The following CEP128 variants were observed in gnomAD, a reference collection of about 807,000 sequenced individuals.
The protein encoded by CEP128 is centrosomal protein 128, also known as centrosomal protein 128kDa.
Under a neutral mutation model 156.7 loss-of-function variants are expected in CEP128, and 132 were observed. The ratio of observed to expected loss-of-function variants is 0.84; its 90% CI spans 0.73 to 0.97. CEP128 has a LOEUF of 0.97. Ranked by LOEUF, CEP128 falls within the 50% of genes least tolerant of loss-of-function variation. The probability of loss-of-function intolerance (pLI) is 0.00; values close to 1 mark genes in which losing one functional copy is unlikely to be tolerated. For synonymous variants in CEP128, 469 were observed against 448.9 expected, an observed-to-expected ratio of 1.04 and a Z score of -0.57; for missense variants, 1,252 against 1,281.9, an observed-to-expected ratio of 0.98 and a Z score of 0.36.
intron 8 of CEP128, among the ~76,000 whole-genome samples, chr14:80,865,883 C>CTGG (rs1887745541): frequency 6.6e-6 from 1 of 152,090 alleles, no homozygotes; most frequent in South Asian, 2.1e-4. Context: ...CTTGTCATTC[C>CTGG]AGTCAAGCCT....
chr14:80,882,832 G>T (rs1888614688), intron 8 of CEP128, among the ~76,000 whole-genome samples: 2 of 152,082 alleles, frequency 1.3e-5, no homozygotes, highest in Admixed American at 1.3e-4. Flanking sequence ...TCACTTATTT[G>T]TGGGATCTAA....
chr14:80,915,375 C>T (rs560400698), intron 3 of CEP128, among the ~76,000 whole-genome samples: 1 of 152,306 alleles, frequency 6.6e-6, no homozygotes, highest in South Asian at 2.1e-4. Context: ...GTTTTCAAAT[C>T]AATGCATGGC....
At chr14:80,925,289 G>A (rs527467587) in intron 2 of CEP128, among the ~76,000 whole-genome samples, 51 of 151,328 alleles carry the variant, frequency 3.4e-4, no homozygotes, top group Admixed American at 2.4e-3. Context: ...AGAAAACCCC[G>A]CAAGAACTCC....
At chr14:80,909,661 C>T (rs941701653) in intron 4 of CEP128, among the ~76,000 whole-genome samples, 1 of 152,022 alleles carries the variant, frequency 6.6e-6, no homozygotes, top group African/African-American at 2.4e-5. Context: ...ATGGCAAAAA[C>T]AATTTTTGCA....
At chr14:80,816,285 A>C (rs1407681105) in intron 13 of CEP128, among the ~76,000 whole-genome samples, 2 of 152,118 alleles carry the variant, frequency 1.3e-5, no homozygotes, top group African/African-American at 4.8e-5. Flanking sequence ...CCTTGCTCTC[A>C]GTATAGGGCT....
chr14:80,664,463 G>A (rs1419562421), intron 19 of CEP128, among the ~76,000 whole-genome samples: 1 of 150,892 alleles, frequency 6.6e-6, no homozygotes, highest in Non-Finnish European at 1.5e-5. Context: ...TAAAAAAGAG[G>A]TCACAAAGCA....
chr14:80,924,343 A>G (rs1885032341), intron 2 of CEP128, among the ~76,000 whole-genome samples: 2 of 152,228 alleles, frequency 1.3e-5, no homozygotes. Flanking sequence ...TCCACCAGTC[A>G]GTTCTGTTAT....
chr14:80,781,389 G>A (rs577074418), intron 15 of CEP128, among the ~76,000 whole-genome samples: 15 of 148,954 alleles, frequency 1.0e-4, no homozygotes, highest in South Asian at 6.3e-4. Flanking sequence ...CCCGGGAGGC[G>A]GAAGCTGCAG....
intron 23 of CEP128, among the ~76,000 whole-genome samples, chr14:80,526,102 G>A (rs1476599596): frequency 1.3e-5 from 2 of 152,082 alleles, no homozygotes; most frequent in Non-Finnish European, 2.9e-5. Flanking sequence ...ATTTGACAAT[G>A]TCAGGAGACA....
At chr14:80,854,133 A>T (rs1887031780) in intron 9 of CEP128, among the ~76,000 whole-genome samples, 1 of 152,174 alleles carries the variant, frequency 6.6e-6, no homozygotes, top group Non-Finnish European at 1.5e-5. Context: ...GTGAATAAAC[A>T]TAAAAATGAG....
At position 80,629,075 on chromosome 14, in the gene CEP128, G is replaced by C. The variant is rs74066017; in HGVS notation, c.2807-48652C>G. 8.0e-3 allele frequency among the ~76,000 whole-genome samples: 1,200 copies of C among 149,542 alleles called. 26 individuals are homozygous for C. Among genetic ancestry groups the C allele is most frequent in the African/African-American group, 0.028 (1,136 of 40,666 alleles). ...TAAGAAAAAAAAAAAAAACAAACGGGTTTAACTCACTTCAATCAAGATTTC... is the reference window on the plus strand; with the variant it reads ...TAAGAAAAAAAAAAAAAACAAACGGCTTTAACTCACTTCAATCAAGATTTC... On this transcript the variant is annotated intron_variant, in intron 19 of 24. Coordinates refer to ENST00000555265, the MANE Select transcript of CEP128 (RefSeq NM_152446.5).
chr14:80,730,736 A>G (rs895553436), intron 19 of CEP128, among the ~76,000 whole-genome samples: 3 of 152,206 alleles, frequency 2.0e-5, no homozygotes, highest in African/African-American at 7.2e-5. Context: ...TGAATTTCAA[A>G]AACAATAGAA....
Position 80,955,833 on chromosome 14 carries a change from G to A in CEP128, c.-172+2345C>T, listed in dbSNP as rs777358636. ...ATATTCAACGCATCCCCAGCTTACC[G>A]CCCAGTACGCAGACTCTGTGAGTAC... On this transcript the variant is annotated intron_variant, in intron 2 of 7. Transcript: ENST00000555529. The A allele has an allele frequency of 5.0e-6, 8 of 1,614,184 alleles. No individual in the cohort carries two copies. The South Asian group carries it at 8.8e-5, about 18-fold the overall frequency.
chr14:80,821,600 TACACACACACAC>T (rs71103885), intron 13 of CEP128, among the ~76,000 whole-genome samples: 73 of 145,376 alleles, frequency 5.0e-4, no homozygotes, highest in South Asian at 1.8e-3. Flanking sequence ...CATACACACA[TACACACACACAC>T]ACACACACAC....
At chr14:80,780,804 T>C (rs148840043) in intron 15 of CEP128, among the ~76,000 whole-genome samples, 7 of 152,340 alleles carry the variant, frequency 4.6e-5, no homozygotes, top group African/African-American at 1.7e-4. Flanking sequence ...GAGCATCTTC[T>C]GTATGTCTGG....
intron 19 of CEP128, among the ~76,000 whole-genome samples, chr14:80,675,364 A>G (rs1456773198): frequency 6.6e-6 from 1 of 152,058 alleles, no homozygotes; most frequent in Admixed American, 6.5e-5. Context: ...ATTCAACTTT[A>G]TAAGATGTTT....
chr14:80,841,449 C>T (rs1026161299), intron 9 of CEP128, among the ~76,000 whole-genome samples: 8 of 151,974 alleles, frequency 5.3e-5, no homozygotes, highest in Non-Finnish European at 1.2e-4. Context: ...AATTCCTACT[C>T]TCAAATAGAA....
chr14:80,756,935 G>A lies in CEP128; in HGVS notation c.2570C>T (p.Pro857Leu), dbSNP rs776419429. ...GCGATGTGGGTCATAATGTATATCAGGACCAGATGAAAAAACCTACAAAAG... is the reference window on the plus strand; with the variant it reads ...GCGATGTGGGTCATAATGTATATCAAGACCAGATGAAAAAACCTACAAAAG... ...VEKLKVFSSGPDIHYDPHRWL... is the reference protein window; with the variant it reads ...VEKLKVFSSGLDIHYDPHRWL... Residue 857 changes from proline (P) to leucine (L), a missense_variant, in exon 18 of 25, where the codon CCT (proline) becomes CTT (leucine). By Grantham distance (98) the Pro-to-Leu change is moderately conservative. Coordinates refer to ENST00000555265, the MANE Select transcript of CEP128 (RefSeq NM_152446.5). 3 of 1,598,038 alleles carry A rather than the reference G, an allele frequency of 1.9e-6. No individual in the cohort carries two copies. The South Asian group carries it at 3.3e-5, about 18-fold the overall frequency.
At chr14:80,678,867 C>G (rs998581886) in intron 19 of CEP128, among the ~76,000 whole-genome samples, 1 of 152,174 alleles carries the variant, frequency 6.6e-6, no homozygotes, top group Admixed American at 6.5e-5. Context: ...AACAGAGGGA[C>G]TGGCTGGAAC....
Sources: allele counts gnomAD v4.1 joint callset (sites outside exome capture counted in the v4.1 genomes callset), GRCh38; gene constraint gnomAD v4.1.1; transcripts MANE v1.5; gene names NCBI Gene and HGNC (gene_info 2026-07-23, HGNC 2026-07-21).